SETBP1: variants seen among roughly 807,000 people sequenced by gnomAD.
SETBP1 encodes SET-binding protein.
In SETBP1, 9 loss-of-function variants were observed where a neutral mutation model predicts 101.0. The ratio of observed to expected loss-of-function variants is 0.09; its 90% CI spans 0.05 to 0.16. The LOEUF is 0.16. SETBP1 is among the 10% of genes least tolerant of loss of function. The pLI, the probability that SETBP1 is intolerant of heterozygous loss-of-function variation, is 1.00. For synonymous variants in SETBP1, 818 were observed against 788.5 expected (o/e 1.04, Z -0.63); for missense variants, 1,858 against 2,033.8 (o/e 0.91, Z 1.66).
At chr18:44,804,101 T>C (rs965446455) in intron 2 of SETBP1, among the ~76,000 whole-genome samples, 7 of 151,956 alleles carry the variant, frequency 4.6e-5, no homozygotes, top group African/African-American at 1.7e-4. Flanking sequence ...CAAATACACA[T>C]GATTTTGAAA....
At chr18:44,923,952 G>A (rs1334445322) in intron 3 of SETBP1, among the ~76,000 whole-genome samples, 1 of 152,168 alleles carries the variant, frequency 6.6e-6, no homozygotes, top group Non-Finnish European at 1.5e-5. Flanking sequence ...AGAGAATGAG[G>A]TGTTGAGGTG....
At chr18:44,713,978 A>G (rs1329080662) in intron 2 of SETBP1, among the ~76,000 whole-genome samples, 1 of 152,298 alleles carries the variant, frequency 6.6e-6, no homozygotes, top group East Asian at 1.9e-4. Flanking sequence ...TTCTGTAGAG[A>G]TACATCTCTA....
intron 3 of SETBP1, among the ~76,000 whole-genome samples, chr18:44,912,794 C>T (rs146843977): frequency 5.6e-4 from 85 of 152,316 alleles, no homozygotes; most frequent in African/African-American, 2.0e-3. Context: ...TGTACACAAG[C>T]AGTCAGTTAG....
chr18:44,749,490 C>G (rs2144525846), intron 2 of SETBP1, among the ~76,000 whole-genome samples: 1 of 152,224 alleles, frequency 6.6e-6, no homozygotes, highest in East Asian at 1.9e-4. Context: ...AACCCAGACC[C>G]TGGGAGATGG....
At chr18:44,877,150 C>A (rs1254405585) in intron 3 of SETBP1, 1 of 982,764 alleles carries the variant, frequency 1.0e-6, no homozygotes, top group Non-Finnish European at 1.2e-6. Flanking sequence ...GGGCTCCAAG[C>A]CACAGCTGGC....
chr18:44,932,194 A>G (rs2070852276), intron 3 of SETBP1, among the ~76,000 whole-genome samples: 2 of 152,132 alleles, frequency 1.3e-5, no homozygotes, highest in South Asian at 2.1e-4. Context: ...TCCTTCACTT[A>G]TGAGGCTTAG....
chr18:45,033,852 C>G (rs1039186790), intron 4 of SETBP1, among the ~76,000 whole-genome samples: 1 of 152,210 alleles, frequency 6.6e-6, no homozygotes. Flanking sequence ...CCACCTCTTA[C>G]AGCTGTGTGA....
Position 44,707,770 on chromosome 18 carries a change from C to T in SETBP1, c.486+5938C>T, listed in dbSNP as rs561172288. On this transcript the variant is annotated intron_variant, in intron 2 of 5. Coordinates refer to ENST00000649279, the MANE Select transcript of SETBP1 (RefSeq NM_015559.3). Reference sequence around the variant, plus strand: ...CAGAGAGCAATGAATGTCAAATAAACGAGTTTGGATTTAATTCTGTAAGTA... The same window carrying T: ...CAGAGAGCAATGAATGTCAAATAAATGAGTTTGGATTTAATTCTGTAAGTA... Among the ~76,000 whole-genome samples, 8 of 152,196 alleles carry T rather than the reference C, an allele frequency of 5.3e-5. No individual in the cohort carries two copies. In the East Asian group the frequency reaches 1.5e-3, roughly 29 times the overall value.
chr18:44,950,909 T>G lies in SETBP1; in HGVS notation c.1569T>G (p.His523Gln). Residue 523 changes from histidine to glutamine, a missense_variant, in exon 4 of 6, where the codon CAT becomes CAG. By Grantham distance (24) the His-to-Gln change is conservative (BLOSUM62 0). Transcript: ENST00000649279. ...SPSRKLPEIQ[H>Q]PKFAAKRRWT... ...CCAGAAAGCTGCCAGAAATCCAGCA[T>G]CCAAAATTTGCTGCAAAACGAAGGT... is the stretch of plus-strand genomic sequence containing the variant. 6.2e-7 allele frequency: 1 copy of G among 1,614,002 alleles called. No individual in the cohort carries two copies. The highest frequency in any genetic ancestry group is 2.2e-5 in the East Asian group (1 of 44,868).
intron 3 of SETBP1, among the ~76,000 whole-genome samples, chr18:44,874,157 A>T (rs905987091): frequency 6.6e-6 from 1 of 152,234 alleles, no homozygotes; most frequent in Non-Finnish European, 1.5e-5. Flanking sequence ...CTAATAAAAA[A>T]TTTAATTAAC....
At chr18:44,993,522 C>T (rs547842873) in intron 4 of SETBP1, among the ~76,000 whole-genome samples, 1 of 151,932 alleles carries the variant, frequency 6.6e-6, no homozygotes, top group East Asian at 1.9e-4. Flanking sequence ...GAAATGAATA[C>T]TTGAAAGAAC....
At chr18:44,838,651 A>G (rs1337838425) in intron 2 of SETBP1, among the ~76,000 whole-genome samples, 1 of 152,198 alleles carries the variant, frequency 6.6e-6, no homozygotes, top group Non-Finnish European at 1.5e-5. Context: ...GCTAAGAGAA[A>G]AGTGCTTCAG....
At chr18:44,911,414 G>A (rs2070306138) in intron 3 of SETBP1, among the ~76,000 whole-genome samples, 1 of 152,126 alleles carries the variant, frequency 6.6e-6, no homozygotes, top group African/African-American at 2.4e-5. Flanking sequence ...CACTACTCTG[G>A]TTCTTCGTCC....
At position 44,951,154 on chromosome 18, in the gene SETBP1, C is replaced by A. The variant is rs945207649; in HGVS notation, c.1814C>A (p.Thr605Asn). The A allele has an allele frequency of 5.6e-6, 9 of 1,614,070 alleles. No individual in the cohort carries two copies. In the Admixed American group the frequency reaches 8.3e-5, roughly 15 times the overall value. ...ACAGTCGAGACGATTCATGAGGGAA[C>A]TTCCACCAGCCCCGTCAGTCCCATC... Reference protein sequence around the residue: ...LLTVETIHEGTSTSPVSPISR... With the variant: ...LLTVETIHEGNSTSPVSPISR... Residue 605 changes from threonine (T) to asparagine (N), a missense_variant, in exon 4 of 6, where the codon ACT (threonine) becomes AAT (asparagine). Coordinates refer to ENST00000649279, the MANE Select transcript of SETBP1 (RefSeq NM_015559.3). This position sits in a 1 kb window ranked among gnomAD's most constrained non-coding sequence, Gnocchi z 7.8.
chr18:45,060,545 A>T (rs1366302924), intron 5 of SETBP1, among the ~76,000 whole-genome samples: 1 of 152,222 alleles, frequency 6.6e-6, no homozygotes, highest in Non-Finnish European at 1.5e-5. Context: ...ATTAAAAAAA[A>T]AATGACAAAA....
At chr18:44,699,367 A>G (rs1198015722) in intron 1 of SETBP1, among the ~76,000 whole-genome samples, 1 of 152,202 alleles carries the variant, frequency 6.6e-6, no homozygotes, top group Non-Finnish European at 1.5e-5. Context: ...TGATGTCTCC[A>G]ACAGCTGGGG....
chr18:45,048,060 TA>T (rs958781065), intron 5 of SETBP1, among the ~76,000 whole-genome samples: 18 of 152,332 alleles, frequency 1.2e-4, no homozygotes, highest in Admixed American at 4.6e-4. Flanking sequence ...CCAGAAGGGT[TA>T]CAAATATTGC....
intron 3 of SETBP1, among the ~76,000 whole-genome samples, chr18:44,888,578 C>A (rs1044725535): frequency 2.0e-5 from 3 of 152,044 alleles, no homozygotes; most frequent in African/African-American, 4.8e-5. Flanking sequence ...CACAATCAGC[C>A]TGTTCATTTC....
At chr18:44,854,342 G>C (rs544270719) in intron 2 of SETBP1, among the ~76,000 whole-genome samples, 1 of 152,286 alleles carries the variant, frequency 6.6e-6, no homozygotes, top group South Asian at 2.1e-4. Flanking sequence ...GATTTACTCA[G>C]GTACATCTTG....
Sources: gnomAD v4.1 joint callset for allele counts (sites outside exome capture counted in the v4.1 genomes callset) on GRCh38, gnomAD v4.1.1 for gene constraint, Gnocchi (gnomAD v3.1) non-coding constraint, MANE v1.5 for transcripts, NCBI Gene and HGNC (gene_info 2026-07-23, HGNC 2026-07-21) for gene names.